The following CACNA2D1 variants were observed in gnomAD, a reference collection of about 807,000 sequenced individuals.
CACNA2D1 encodes the protein calcium voltage-gated channel auxiliary subunit alpha2delta 1.
A neutral mutation model predicts 171.5 loss-of-function variants in CACNA2D1; 53 were observed. That is an observed-to-expected ratio of 0.31 (90% confidence interval 0.25 to 0.39). CACNA2D1 has a LOEUF of 0.39. Among genes scored for constraint, CACNA2D1 ranks in the 10% least tolerant of loss-of-function variants. The pLI is 1.00. For synonymous variants in CACNA2D1, 442 were observed against 443.1 expected (o/e 1.00, Z 0.03); for missense variants, 903 against 1,299.8 (o/e 0.69, Z 4.69).
Position 82,360,462 on chromosome 7 carries a change from A to T in CACNA2D1, c.96-10813T>A, listed in dbSNP as rs149060133. ...TTTCATCAGTATTTTCAAATTAAAC[A>T]AGTACCATTTATTTTACTTACAACC... On this transcript the variant is annotated intron_variant, in intron 1 of 38. Transcript: ENST00000356860. Among the ~76,000 whole-genome samples the T allele has an allele frequency of 7.9e-4, 121 of 152,272 alleles. 1 individual carries two copies. Among genetic ancestry groups the T allele is most frequent in the African/African-American group, 2.8e-3 (117 of 41,570 alleles).
chr7:82,188,637 A>C (rs967891999), intron 3 of CACNA2D1, among the ~76,000 whole-genome samples: 1 of 152,110 alleles, frequency 6.6e-6, no homozygotes, highest in Non-Finnish European at 1.5e-5. Context: ...AGAACAAAGA[A>C]CTACCATTAC....
chr7:82,271,289 A>G (rs747699440), intron 3 of CACNA2D1, among the ~76,000 whole-genome samples: 1 of 152,124 alleles, frequency 6.6e-6, no homozygotes, highest in African/African-American at 2.4e-5. Context: ...ACCATGATGT[A>G]CACAGTCATT....
chr7:82,238,081 T>C (rs1803825386), intron 3 of CACNA2D1, among the ~76,000 whole-genome samples: 1 of 151,964 alleles, frequency 6.6e-6, no homozygotes, highest in Non-Finnish European at 1.5e-5. Flanking sequence ...CTATTGTGAA[T>C]GAGGAAATGA....
At chr7:82,050,017 G>A (rs563270652) in intron 10 of CACNA2D1, among the ~76,000 whole-genome samples, 1 of 152,252 alleles carries the variant, frequency 6.6e-6, no homozygotes, top group African/African-American at 2.4e-5. Context: ...ATTTACAATT[G>A]TACTCATTTT....
At chr7:82,197,383 T>A (rs956815549) in intron 3 of CACNA2D1, among the ~76,000 whole-genome samples, 3 of 152,132 alleles carry the variant, frequency 2.0e-5, no homozygotes, top group African/African-American at 7.2e-5. Context: ...ATTTTTCTAA[T>A]TCAAGATTAT....
Position 82,327,628 on chromosome 7 carries a change from C to G in CACNA2D1, c.294+7507G>C, listed in dbSNP as rs563219606. ...GTTAGTACTGCTTCAGACCAAGAAACTTCAGATGGAGAATGTGGTAGAGGT... is the reference window on the plus strand; with the variant it reads ...GTTAGTACTGCTTCAGACCAAGAAAGTTCAGATGGAGAATGTGGTAGAGGT... On this transcript the variant is annotated intron_variant, in intron 3 of 38. Transcript: ENST00000356860. Among the ~76,000 whole-genome samples the G allele has an allele frequency of 2.6e-5, 4 of 152,286 alleles. No homozygotes were observed. The South Asian group carries it at 8.3e-4, about 32-fold the overall frequency.
intron 30 of CACNA2D1, 69 bp downstream of exon 30, chr7:81,967,527 C>T: frequency 1.2e-6 from 1 of 832,062 alleles, no homozygotes. Context: ...GTATAAGGAC[C>T]TTATATTTTT....
chr7:82,281,715 A>C (rs1005268275), intron 3 of CACNA2D1, among the ~76,000 whole-genome samples: 1 of 152,172 alleles, frequency 6.6e-6, no homozygotes, highest in Non-Finnish European at 1.5e-5. Flanking sequence ...ATTTGTATCA[A>C]TGTTAAATGT....
intron 20 of CACNA2D1, among the ~76,000 whole-genome samples, chr7:81,994,407 G>A (rs1039406237): frequency 1.3e-5 from 2 of 152,000 alleles, no homozygotes; most frequent in South Asian, 2.1e-4. Flanking sequence ...AATCAAGCCA[G>A]AAACAAGTAA....
At chr7:82,058,586 G>T (rs1347942133) in intron 10 of CACNA2D1, among the ~76,000 whole-genome samples, 2 of 152,104 alleles carry the variant, frequency 1.3e-5, no homozygotes, top group African/African-American at 2.4e-5. Flanking sequence ...GACATACAGG[G>T]TCAGATAGAT....
intron 21 of CACNA2D1, among the ~76,000 whole-genome samples, chr7:81,986,384 T>C (rs73705429): frequency 0.016 from 2,451 of 151,942 alleles, 69 homozygotes; most frequent in African/African-American, 0.057. Context: ...TTTTAATAAT[T>C]TCAACTTTTA....
chr7:82,036,937 G>T (rs190556373), intron 11 of CACNA2D1, among the ~76,000 whole-genome samples: 1 of 152,106 alleles, frequency 6.6e-6, no homozygotes, highest in African/African-American at 2.4e-5. Context: ...CTACACCTGC[G>T]TGTGGTTTGC....
chr7:82,350,260 C>A (rs1819700875), intron 1 of CACNA2D1, among the ~76,000 whole-genome samples: 1 of 152,108 alleles, frequency 6.6e-6, no homozygotes, highest in South Asian at 2.1e-4. Flanking sequence ...TCTCTATATT[C>A]CATAATATAC....
chr7:81,958,114 C>T (rs960099082), intron 38 of CACNA2D1, among the ~76,000 whole-genome samples: 4 of 151,494 alleles, frequency 2.6e-5, no homozygotes, highest in Non-Finnish European at 4.4e-5. Flanking sequence ...AAAAAAAAAA[C>T]GCTTAGTTGC....
At chr7:82,079,085 G>C (rs1029961450) in intron 7 of CACNA2D1, among the ~76,000 whole-genome samples, 1 of 152,096 alleles carries the variant, frequency 6.6e-6, no homozygotes, top group Non-Finnish European at 1.5e-5. Flanking sequence ...GCACTGCATA[G>C]GTACCTTTAT....
chr7:82,206,091 A>G (rs1799978169), intron 3 of CACNA2D1, among the ~76,000 whole-genome samples: 1 of 152,070 alleles, frequency 6.6e-6, no homozygotes, highest in South Asian at 2.1e-4. Flanking sequence ...TAAAATATGT[A>G]CTTAACAAAA....
chr7:82,078,246 T>C (rs1013082238), intron 7 of CACNA2D1, among the ~76,000 whole-genome samples: 4 of 152,048 alleles, frequency 2.6e-5, no homozygotes, highest in African/African-American at 9.7e-5. Context: ...GGAGATGAAG[T>C]AGATTTTTAG....
chr7:82,221,024 C>A (rs1260765337), intron 3 of CACNA2D1, among the ~76,000 whole-genome samples: 1 of 152,146 alleles, frequency 6.6e-6, no homozygotes, highest in Non-Finnish European at 1.5e-5. Flanking sequence ...GATCTGCCCA[C>A]CTTGGGTTCC....
chr7:82,333,034 G>T (rs1380792713), intron 3 of CACNA2D1, among the ~76,000 whole-genome samples: 2 of 151,948 alleles, frequency 1.3e-5, no homozygotes, highest in African/African-American at 4.8e-5. Context: ...CTAAACTGAA[G>T]CTCCAGCATT....
Sources: gnomAD v4.1 joint callset for allele counts (sites outside exome capture counted in the v4.1 genomes callset) on GRCh38, gnomAD v4.1.1 for gene constraint, MANE v1.5 for transcripts, NCBI Gene and HGNC (gene_info 2026-07-23, HGNC 2026-07-21) for gene names.